GLT6D1: variants seen among roughly 807,000 people sequenced by gnomAD.
GLT6D1 encodes glycosyltransferase 6 domain containing 1.
Under a neutral mutation model 12.3 loss-of-function variants are expected in GLT6D1, and 9 were observed. The observed-to-expected ratio is 0.73, with a 90% confidence interval of 0.44 to 1.27. The LOEUF (loss-of-function observed/expected upper bound fraction) is 1.27. Ranked by LOEUF, GLT6D1 falls within the 50% of genes most tolerant of loss-of-function variation. The pLI, the probability that GLT6D1 is intolerant of heterozygous loss-of-function variation, is 0.00. For missense variants in GLT6D1, 335 were observed against 346.2 expected (o/e 0.97, Z 0.26); for synonymous variants, 128 against 132.3 (o/e 0.97, Z 0.23).
Position 135,624,474 on chromosome 9 carries a change from T to C in GLT6D1, c.454A>G (p.Lys152Glu), listed in dbSNP as rs772084545. The stretch of plus-strand genomic sequence containing the variant: ...CTGGCGATGTGTTCACCCAGGCTCT[T>C]CACATGCACCAGGGGGCCATCGAGC... ...WWLDGPLVHVKSLGEHIASHI... is the reference protein window; with the variant it reads ...WWLDGPLVHVESLGEHIASHI... The change falls in exon 5 of 5, where the codon AAG becomes GAG. Residue 152 changes from lysine to glutamate, a missense_variant. Lys to Glu is a moderately conservative substitution (Grantham distance 56). Coordinates refer to ENST00000371763, the MANE Select transcript of GLT6D1 (RefSeq NM_182974.3). 2 of 1,613,608 alleles carry C rather than the reference T, an allele frequency of 1.2e-6. No homozygotes were observed. The highest frequency in any genetic ancestry group is 1.7e-6 in the Non-Finnish European group (2 of 1,179,868).
intron 3 of GLT6D1, among the ~76,000 whole-genome samples, chr9:135,627,735 A>G (rs1426127668): frequency 6.6e-6 from 1 of 152,208 alleles, no homozygotes; most frequent in Non-Finnish European, 1.5e-5. Context: ...TTTTTGAGGA[A>G]CTGACAAACT....
intron 3 of GLT6D1, among the ~76,000 whole-genome samples, chr9:135,626,722 C>T (rs1833529247): frequency 6.6e-6 from 1 of 151,922 alleles, no homozygotes. Context: ...CCCTTTTTTT[C>T]AGCTTCTCCC....
rs1420125020 is a variant in GLT6D1, at chr9:135,639,333, G to A, written c.-47C>T. On this transcript the variant is annotated 5_prime_UTR_variant, in exon 1 of 5. Transcript: ENST00000371763. ...TAGAATGTTCAGCTGGCAGGAGACAGCGACTTGAGTTAGGGAAGCCTCTGT... is the reference window on the plus strand; with the variant it reads ...TAGAATGTTCAGCTGGCAGGAGACAACGACTTGAGTTAGGGAAGCCTCTGT... 1.9e-6 allele frequency: 1 copy of A among 535,514 alleles called. No individual in the cohort carries two copies. Among genetic ancestry groups the A allele is most frequent in the South Asian group, 2.5e-5 (1 of 39,994 alleles). 33.2% of individuals were successfully genotyped at this position (535,514 alleles called of 1,614,324 possible).
Position 135,624,627 on chromosome 9 carries a change from T to C in GLT6D1, c.301A>G (p.Lys101Glu). ...ACTCGGTAGCCTGTCATGAAGTGCT[T>C]ATTTGCGGAGTGTAGGAACGGCCTC... ...YLRPFLHSAN[K>E]HFMTGYRVIF... The change falls in exon 5 of 5, where the codon AAG becomes GAG. Residue 101 changes from lysine (K) to glutamate (E), a missense_variant. Coordinates refer to ENST00000371763, the MANE Select transcript of GLT6D1 (RefSeq NM_182974.3). The C allele has an allele frequency of 6.2e-7, 1 of 1,609,404 alleles. No individual in the cohort carries two copies. Among genetic ancestry groups the C allele is most frequent in the South Asian group, 1.1e-5 (1 of 90,666 alleles).
intron 4 of GLT6D1, 50 bp from the exon 5 acceptor site, chr9:135,624,720 CTTTCTTTT>C: frequency 4.9e-6 from 4 of 820,502 alleles, no homozygotes; most frequent in African/African-American, 4.2e-5. Context: ...TTTTTCTTTT[CTTTCTTTT>C]TTTTTTTTTT....
At chr9:135,632,550 C>A (rs1261257893) in intron 2 of GLT6D1, among the ~76,000 whole-genome samples, 1 of 152,104 alleles carries the variant, frequency 6.6e-6, no homozygotes, top group Non-Finnish European at 1.5e-5. Context: ...AGTCCCCATT[C>A]TTTGACCGTG....
intron 3 of GLT6D1, among the ~76,000 whole-genome samples, chr9:135,627,074 C>A (rs970891608): frequency 1.3e-5 from 2 of 152,156 alleles, no homozygotes; most frequent in African/African-American, 4.8e-5. Flanking sequence ...ATGCTTTCTC[C>A]CTACAATGAG....
rs190884433 is a variant in GLT6D1, at chr9:135,624,362, G to C, written c.566C>G (p.Pro189Arg). 1.3e-4 allele frequency: 204 copies of C among 1,613,920 alleles called. 2 individuals carry two copies. In the Middle Eastern group the frequency reaches 2.8e-3, roughly 22 times the overall value. ...QNEFGVETLGPLVAQLHAWWY... is the reference protein window; with the variant it reads ...QNEFGVETLGRLVAQLHAWWY... Reference sequence around the variant, plus strand: ...CCAGGCGTGGAGCTGGGCCACCAACGGGCCCAGGGTCTCCACCCCGAACTC... The same window carrying C: ...CCAGGCGTGGAGCTGGGCCACCAACCGGCCCAGGGTCTCCACCCCGAACTC... Residue 189 changes from proline to arginine, a missense_variant, in exon 5 of 5, where the codon CCG (proline) becomes CGG (arginine). Transcript: ENST00000371763.
At chr9:135,626,936 C>A (rs1462212086) in intron 3 of GLT6D1, among the ~76,000 whole-genome samples, 2 of 152,108 alleles carry the variant, frequency 1.3e-5, no homozygotes, top group Non-Finnish European at 2.9e-5. Context: ...AAAAAGCACC[C>A]TACAAAGTTC....
intron 2 of GLT6D1, among the ~76,000 whole-genome samples, chr9:135,636,084 G>C (rs994185309): frequency 6.6e-6 from 1 of 152,236 alleles, no homozygotes; most frequent in Admixed American, 6.5e-5. Context: ...GCTGGGCACT[G>C]TGGCTCACAC....
chr9:135,640,818 G>A (rs1177464835), upstream of GLT6D1, among the ~76,000 whole-genome samples: 2 of 152,050 alleles, frequency 1.3e-5, no homozygotes, highest in African/African-American at 2.4e-5. Flanking sequence ...GGCAGGCTTC[G>A]GTTGGGCCCA....
intron 4 of GLT6D1, among the ~76,000 whole-genome samples, chr9:135,625,837 T>C (rs933544922): frequency 6.6e-6 from 1 of 152,194 alleles, no homozygotes; most frequent in Admixed American, 6.5e-5. Context: ...TGCCTGCCCA[T>C]CAGACATCCG....
chr9:135,639,084 A>G (rs775267623), intron 2 of GLT6D1, 33 bp downstream of exon 2: 3 of 1,197,352 alleles, frequency 2.5e-6, no homozygotes, highest in South Asian at 2.7e-5. Context: ...GCCAATCACT[A>G]AAGATCATGA....
chr9:135,629,719 T>G (rs1049484081), intron 3 of GLT6D1, among the ~76,000 whole-genome samples: 5 of 152,226 alleles, frequency 3.3e-5, no homozygotes, highest in Non-Finnish European at 7.3e-5. Context: ...GAATTGTCAA[T>G]TTCTCCCTTC....
chr9:135,624,601 C>T lies in GLT6D1; in HGVS notation c.327G>A (p.Val109=), dbSNP rs1833449727. Residue 109 remains valine, a synonymous_variant, in exon 5 of 5, where the codon GTG becomes GTA. Transcript: ENST00000371763. ...AGGCGTCCACCATGATGTAGAAGATCACTCGGTAGCCTGTCATGAAGTGCT... is the reference window on the plus strand; with the variant it reads ...AGGCGTCCACCATGATGTAGAAGATTACTCGGTAGCCTGTCATGAAGTGCT... The part of the protein sequence containing the change: ...ANKHFMTGYR[V]IFYIMVDAFF... 1 of 1,613,304 alleles carries T rather than the reference C, an allele frequency of 6.2e-7. No individual in the cohort carries two copies. Among genetic ancestry groups the T allele is most frequent in the Non-Finnish European group, 8.5e-7 (1 of 1,179,894 alleles).
At chr9:135,626,553 G>C (rs918073469) in intron 3 of GLT6D1, among the ~76,000 whole-genome samples, 5 of 152,324 alleles carry the variant, frequency 3.3e-5, no homozygotes, top group African/African-American at 1.2e-4. Flanking sequence ...TCTGACTACA[G>C]CTCAAAATTA....
At chr9:135,626,496 C>G (rs1833522710) in intron 3 of GLT6D1, among the ~76,000 whole-genome samples, 1 of 152,186 alleles carries the variant, frequency 6.6e-6, no homozygotes, top group Admixed American at 6.5e-5. Context: ...TTTGTGCGTT[C>G]CTCCCCCAGC....
chr9:135,640,486 C>T (rs556295825), upstream of GLT6D1, among the ~76,000 whole-genome samples: 1 of 151,858 alleles, frequency 6.6e-6, no homozygotes, highest in South Asian at 2.1e-4. Flanking sequence ...TTTGGGAGGT[C>T]GAAGGGGGAG....
chr9:135,627,620 A>G (rs964285977), intron 3 of GLT6D1, among the ~76,000 whole-genome samples: 1 of 152,190 alleles, frequency 6.6e-6, no homozygotes, highest in Non-Finnish European at 1.5e-5. Context: ...AAATACTACT[A>G]TTAAAATTCA....
Sources: allele counts gnomAD v4.1 joint callset (sites outside exome capture counted in the v4.1 genomes callset), GRCh38; gene constraint gnomAD v4.1.1; transcripts MANE v1.5; gene names NCBI Gene and HGNC (gene_info 2026-07-23, HGNC 2026-07-21).